Variants in PTPRM observed in about 807,000 individuals in gnomAD.
PTPRM encodes receptor-type tyrosine-protein phosphatase mu.
A neutral mutation model predicts 186.7 loss-of-function variants in PTPRM; 47 were observed. The observed-to-expected ratio is 0.25, with a 90% CI of 0.20 to 0.32. The LOEUF is 0.32. PTPRM is among the 10% of genes least tolerant of loss of function. PTPRM has a pLI of 1.00. For missense variants in PTPRM, 1,494 were observed against 1,865.0 expected (o/e 0.80, Z 3.66); for synonymous variants, 668 against 674.9 (o/e 0.99, Z 0.16).
intron 1 of PTPRM, among the ~76,000 whole-genome samples, chr18:7,735,977 A>G (rs1174600466): frequency 6.6e-6 from 1 of 151,710 alleles, no homozygotes; most frequent in Non-Finnish European, 1.5e-5. Flanking sequence ...TGGCCAAAAT[A>G]TGTAGTATTG....
At chr18:7,850,595 A>G (rs2046813179) in intron 2 of PTPRM, among the ~76,000 whole-genome samples, 2 of 152,336 alleles carry the variant, frequency 1.3e-5, no homozygotes, top group Admixed American at 6.5e-5. Context: ...AAATAGCTCA[A>G]GCTTTTATTG....
chr18:8,145,844 T>C (rs1419250155), intron 14 of PTPRM, among the ~76,000 whole-genome samples: 1 of 152,212 alleles, frequency 6.6e-6, no homozygotes, highest in Non-Finnish European at 1.5e-5. Context: ...TTGGGTATAT[T>C]CCCAGTAATG....
chr18:7,842,882 C>CGT lies in PTPRM; in HGVS notation c.197-45219_197-45218dup, dbSNP rs201565148. 1.8e-3 allele frequency among the ~76,000 whole-genome samples: 105 copies of CGT among 58,832 alleles called. 3 individuals are homozygous for CGT. The highest frequency in any genetic ancestry group is 0.015 in the South Asian group (21 of 1,414). 38.6% of individuals were successfully genotyped at this position (58,832 alleles called of 152,430 possible). A position where few individuals can be genotyped will look rare whatever the true frequency, so the allele number is the denominator to read the frequency against. ...GAAACATATATATATATATGTTTCT[C>CGT]GTGTGTATATATATATATGTTTCTC... On this transcript the variant is annotated intron_variant, in intron 2 of 32. Coordinates refer to ENST00000580170, the MANE Select transcript of PTPRM (RefSeq NM_001105244.2).
In PTPRM at chr18:7,952,349, T is replaced by TC. The variant is rs2053021224; in HGVS notation, c.839-2771dup. 3.3e-5 allele frequency among the ~76,000 whole-genome samples: 5 copies of TC among 152,016 alleles called. No individual in the cohort carries two copies. The South Asian group carries it at 1.0e-3, about 32-fold the overall frequency. ...TTTGTACAGATTAAGATTCTTGCCT[T>TC]CTCCTTCCTTCCTTCTTTACCTCTT... On this transcript the variant is annotated intron_variant, in intron 6 of 32. Coordinates refer to ENST00000580170, the MANE Select transcript of PTPRM (RefSeq NM_001105244.2).
intron 13 of PTPRM, among the ~76,000 whole-genome samples, chr18:8,118,040 A>G (rs2092021502): frequency 6.6e-6 from 1 of 152,138 alleles, no homozygotes; most frequent in African/African-American, 2.4e-5. Flanking sequence ...CTTTGCAGCT[A>G]GTTTTAGAAG....
intron 2 of PTPRM, among the ~76,000 whole-genome samples, chr18:7,806,883 T>G (rs1282118357): frequency 6.6e-6 from 1 of 152,172 alleles, no homozygotes; most frequent in Non-Finnish European, 1.5e-5. Context: ...GAAGGTTGCT[T>G]TTTGGAAGAC....
chr18:7,807,037 CT>C (rs774315121), intron 2 of PTPRM, among the ~76,000 whole-genome samples: 9 of 152,130 alleles, frequency 5.9e-5, no homozygotes, highest in Admixed American at 2.0e-4. Context: ...CTGGGCAGTG[CT>C]TTTTTTGAGA....
At chr18:7,876,463 G>A (rs1161426437) in intron 2 of PTPRM, among the ~76,000 whole-genome samples, 4 of 152,266 alleles carry the variant, frequency 2.6e-5, no homozygotes, top group South Asian at 2.1e-4. Flanking sequence ...AACACTCATA[G>A]CTGATAATTC....
At chr18:7,586,502 G>C (rs1027266945) in intron 1 of PTPRM, among the ~76,000 whole-genome samples, 1 of 152,112 alleles carries the variant, frequency 6.6e-6, no homozygotes, top group Non-Finnish European at 1.5e-5. Flanking sequence ...CAAACTGTTA[G>C]GGTTGGGAGC....
intron 2 of PTPRM, among the ~76,000 whole-genome samples, chr18:7,801,358 C>G (rs2043959184): frequency 1.3e-5 from 2 of 151,966 alleles, no homozygotes; most frequent in Non-Finnish European, 2.9e-5. Flanking sequence ...ACATCTTACC[C>G]TAGGCCTAGA....
chr18:8,181,957 T>C (rs2093581680), intron 14 of PTPRM, among the ~76,000 whole-genome samples: 1 of 152,104 alleles, frequency 6.6e-6, no homozygotes, highest in Non-Finnish European at 1.5e-5. Context: ...ATGAGTAGCA[T>C]TTGTTGGGGG....
chr18:7,676,663 ATGTGTGTG>A (rs765723760), intron 1 of PTPRM, among the ~76,000 whole-genome samples: 5 of 103,052 alleles, frequency 4.9e-5, no homozygotes, highest in African/African-American at 1.4e-4. Flanking sequence ...GTGTGTGTGT[ATGTGTGTG>A]TGTGTGTGTG....
intron 14 of PTPRM, among the ~76,000 whole-genome samples, chr18:8,226,026 G>T (rs1001037440): frequency 1.3e-5 from 2 of 152,054 alleles, no homozygotes; most frequent in African/African-American, 4.8e-5. Flanking sequence ...CATTTGAAAA[G>T]ATGTGAAACC....
In PTPRM at chr18:7,832,315, C is replaced by T. The variant is rs1023120441; in HGVS notation, c.197-55791C>T. ...TATTGCCTGTCTTTTGGATATAAGCCGTTTTAACTGGGGCGAGATGATATC... is the reference window on the plus strand; with the variant it reads ...TATTGCCTGTCTTTTGGATATAAGCTGTTTTAACTGGGGCGAGATGATATC... On this transcript the variant is annotated intron_variant, in intron 2 of 32. Transcript: ENST00000580170. Among the ~76,000 whole-genome samples, 3 of 152,220 alleles carry T rather than the reference C, an allele frequency of 2.0e-5. No homozygotes were observed. In the East Asian group the frequency reaches 5.8e-4, roughly 29 times the overall value.
intron 1 of PTPRM, among the ~76,000 whole-genome samples, chr18:7,660,775 C>T (rs1008061394): frequency 1.3e-5 from 2 of 152,058 alleles, no homozygotes; most frequent in African/African-American, 4.8e-5. Flanking sequence ...TTGCCTTTTA[C>T]ACACCTACAC....
intron 9 of PTPRM, among the ~76,000 whole-genome samples, chr18:8,076,804 G>A (rs1448351195): frequency 6.6e-6 from 1 of 152,038 alleles, no homozygotes; most frequent in African/African-American, 2.4e-5. Context: ...GTTATTATAT[G>A]TTAAGACACA....
At chr18:8,294,358 A>C (rs1027906138) in intron 19 of PTPRM, among the ~76,000 whole-genome samples, 7 of 152,218 alleles carry the variant, frequency 4.6e-5, no homozygotes, top group Non-Finnish European at 1.0e-4. Flanking sequence ...GGAAACTAAC[A>C]GTCATGGCAG....
At chr18:7,994,076 T>G (rs2083404539) in intron 7 of PTPRM, among the ~76,000 whole-genome samples, 1 of 151,990 alleles carries the variant, frequency 6.6e-6, no homozygotes, top group Non-Finnish European at 1.5e-5. Context: ...CACAAGAAAC[T>G]GACCTCACCT....
chr18:7,823,101 T>TGC, intron 2 of PTPRM, among the ~76,000 whole-genome samples: 1 of 151,426 alleles, frequency 6.6e-6, no homozygotes, highest in African/African-American at 2.4e-5. Flanking sequence ...ATGTTTCTCC[T>TGC]ATTTGTAGTA....
Sources: gnomAD v4.1 joint callset for allele counts (sites outside exome capture counted in the v4.1 genomes callset) on GRCh38, gnomAD v4.1.1 for gene constraint, MANE v1.5 for transcripts, NCBI Gene and HGNC (gene_info 2026-07-23, HGNC 2026-07-21) for gene names.